Variants in C1QTNF5 observed in about 807,000 individuals in gnomAD.
C1QTNF5 encodes the protein complement C1q tumor necrosis factor-related protein 5.
A neutral mutation model predicts 10.9 loss-of-function variants in C1QTNF5; 5 were observed. The ratio of observed to expected loss-of-function variants is 0.46; its 90% CI spans 0.24 to 0.97. The LOEUF is 0.97. C1QTNF5 is among the 50% of genes least tolerant of loss of function. C1QTNF5 has a pLI of 0.19. For missense variants in C1QTNF5, 281 were observed against 339.4 expected, an observed-to-expected ratio of 0.83 and a Z score of 1.35; for synonymous variants, 161 against 156.5, an observed-to-expected ratio of 1.03 and a Z score of -0.22.
upstream of C1QTNF5, chr11:119,345,295 T>C: frequency 1.0e-6 from 1 of 999,306 alleles, no homozygotes; most frequent in Non-Finnish European, 1.5e-6. Context: ...GTGGCAGAGC[T>C]GGGCCCAGAG....
In C1QTNF5 at chr11:119,339,776, C is replaced by T; in HGVS notation, c.287G>A (p.Gly96Glu). 6.5e-7 allele frequency: 1 copy of T among 1,542,484 alleles called. No homozygotes were observed. The highest frequency in any genetic ancestry group is 1.4e-5 in the African/African-American group (1 of 73,614). The change falls in exon 3 of 3, where the codon GGG becomes GAG. Residue 96 changes from glycine (G) to glutamate (E), a missense_variant. Gly to Glu is a moderately conservative substitution (Grantham distance 98). Transcript: ENST00000528368. This position sits in a 1 kb window ranked among gnomAD's most constrained non-coding sequence, Gnocchi z 5.4. ...AGPAGPTGPA[G>E]ECSVPPRSAF... ...GGATCGCGGAGGCACCGAGCACTCC[C>T]CGGCAGGCCCGGTGGGCCCCGCGGG... is the stretch of plus-strand genomic sequence containing the variant.
upstream of C1QTNF5, chr11:119,341,939 C>T (rs1292802814): frequency 6.2e-7 from 1 of 1,613,854 alleles, no homozygotes; most frequent in Non-Finnish European, 8.5e-7. Context: ...GGTGTTGTAG[C>T]TCAGACCGAG....
chr11:119,346,075 A>G, the C1QTNF5 span: 2 of 1,610,262 alleles, frequency 1.2e-6, no homozygotes, highest in African/African-American at 2.7e-5. Context: ...CAGCAGCCCA[A>G]GCAGCAGGAG....
At chr11:119,344,279 G>A (rs904699617), upstream of C1QTNF5, 4 of 1,591,116 alleles carry the variant, frequency 2.5e-6, no homozygotes, top group African/African-American at 2.7e-5. Flanking sequence ...GCTTCCGTGT[G>A]TGCCCCTCCC....
upstream of C1QTNF5, chr11:119,342,088 G>C (rs998712582): frequency 1.3e-5 from 19 of 1,437,566 alleles, no homozygotes; most frequent in African/African-American, 1.7e-4. Flanking sequence ...GGGTCCAATG[G>C]GGGTGGTTGT....
In C1QTNF5 at chr11:119,340,555, G is replaced by A. The variant is rs1332672051; in HGVS notation, c.-43-115C>T. 6.7e-6 allele frequency: 5 copies of A among 747,742 alleles called. No homozygotes were observed. The African/African-American group carries it at 9.3e-5, about 14-fold the overall frequency. 46.3% of individuals were successfully genotyped at this position (747,742 alleles called of 1,614,324 possible). On this transcript the variant is annotated intron_variant, in intron 1 of 2. Transcript: ENST00000528368. ...CACTGCCGTGCCCCTGAGGCTGAGC[G>A]CTCGCAGGGCCGAGCATCCGGAGAG...
upstream of C1QTNF5, chr11:119,342,935 G>C (rs368782877): frequency 1.4e-5 from 22 of 1,612,542 alleles, no homozygotes; most frequent in Admixed American, 3.3e-5. Flanking sequence ...GCCATGATCT[G>C]TCCTAAACAG....
upstream of C1QTNF5, chr11:119,345,905 C>T (rs772599650): frequency 1.2e-6 from 2 of 1,613,684 alleles, no homozygotes; most frequent in Non-Finnish European, 1.7e-6. Flanking sequence ...TGGGACGCCC[C>T]AGATGGGGGT....
At position 119,339,158 on chromosome 11, in the gene C1QTNF5, T is replaced by C. The variant is rs906052940; in HGVS notation, c.*173A>G. ...CACTGCCCCATGCTGCCAGACCTGA[T>C]CGCAGACAGCCACTGTTCCCATTCC... On this transcript the variant is annotated 3_prime_UTR_variant, in exon 3 of 3. Transcript: ENST00000528368. This position sits in a 1 kb window ranked among gnomAD's most constrained non-coding sequence, Gnocchi z 5.4. 9.8e-6 allele frequency: 7 copies of C among 713,850 alleles called. No homozygotes were observed. Among genetic ancestry groups the C allele is most frequent in the African/African-American group, 5.4e-5 (3 of 55,910 alleles). 44.2% of individuals were successfully genotyped at this position (713,850 alleles called of 1,614,324 possible). A position where few individuals can be genotyped will look rare whatever the true frequency, so the allele number is the denominator to read the frequency against.
chr11:119,341,757 G>A (rs1370984890), upstream of C1QTNF5: 5 of 1,613,182 alleles, frequency 3.1e-6, no homozygotes, highest in African/African-American at 1.3e-5. Flanking sequence ...TGGTAGCAGG[G>A]CAGGCTTGTC....
the C1QTNF5 span, chr11:119,346,076 G>A: frequency 1.2e-6 from 2 of 1,610,204 alleles, no homozygotes; most frequent in Non-Finnish European, 1.7e-6. Flanking sequence ...AGCAGCCCAA[G>A]CAGCAGGAGG....
upstream of C1QTNF5, chr11:119,342,505 A>T (rs1950512022): frequency 9.8e-6 from 15 of 1,525,288 alleles, no homozygotes; most frequent in Non-Finnish European, 1.2e-5. Flanking sequence ...CCCCTCAGGG[A>T]GGTTGGGATG....
chr11:119,344,018 G>A (rs1010647072), upstream of C1QTNF5: 11 of 1,605,210 alleles, frequency 6.9e-6, no homozygotes, highest in East Asian at 1.1e-4. Context: ...GTCTCATCCC[G>A]GGCACCCAGA....
chr11:119,343,980 G>T, upstream of C1QTNF5: 1 of 1,611,006 alleles, frequency 6.2e-7, no homozygotes, highest in South Asian at 1.1e-5. Flanking sequence ...GGAGGGCATA[G>T]GTGGAGCAAT....
upstream of C1QTNF5, chr11:119,341,617 G>A (rs1442940491): frequency 1.9e-6 from 3 of 1,612,848 alleles, no homozygotes; most frequent in Non-Finnish European, 2.5e-6. Flanking sequence ...GCCAGGGGGT[G>A]CCCAGTAGTG....
chr11:119,345,451 G>C, upstream of C1QTNF5: 1 of 1,614,028 alleles, frequency 6.2e-7, no homozygotes, highest in Non-Finnish European at 8.5e-7. Context: ...TCAGGGGAGA[G>C]TTCCAAGCGA....
At chr11:119,342,546 G>A, upstream of C1QTNF5, 1 of 1,607,824 alleles carries the variant, frequency 6.2e-7, no homozygotes, top group Non-Finnish European at 8.5e-7. Flanking sequence ...GTAGGGTTCT[G>A]TGAGGTGGGC....
chr11:119,341,961 C>T (rs201366920), upstream of C1QTNF5: 10 of 1,613,884 alleles, frequency 6.2e-6, no homozygotes, highest in East Asian at 6.7e-5. Context: ...CACATCTCCA[C>T]CTGGACAGGC....
chr11:119,345,589 G>A (rs758420491), upstream of C1QTNF5: 21 of 1,613,762 alleles, frequency 1.3e-5, no homozygotes, highest in Admixed American at 2.5e-4. Flanking sequence ...GGGTAGTTAG[G>A]GCTGCTGAAG....
Sources: gnomAD v4.1 joint callset for allele counts on GRCh38, gnomAD v4.1.1 for gene constraint, Gnocchi (gnomAD v3.1) non-coding constraint, MANE v1.5 for transcripts, NCBI Gene and HGNC (gene_info 2026-07-23, HGNC 2026-07-21) for gene names.